MAMLD1: variants seen among roughly 807,000 people sequenced by gnomAD.
The protein encoded by MAMLD1 is mastermind like domain containing 1, also known as mastermind-like domain-containing protein 1.
MAMLD1 carries 14 observed loss-of-function variants against 45.0 expected under a neutral mutation model. The observed-to-expected ratio is 0.31, with a 90% CI of 0.21 to 0.49. MAMLD1 has a LOEUF of 0.49. Ranked by LOEUF, MAMLD1 falls within the 20% of genes least tolerant of loss-of-function variation. The probability of loss-of-function intolerance (pLI) is 0.99; values close to 1 mark genes in which losing one functional copy is unlikely to be tolerated. For missense variants in MAMLD1, 543 were observed against 603.6 expected (o/e 0.90, Z 1.05); for synonymous variants, 254 against 247.8 (o/e 1.02, Z -0.24).
At chrX:150,411,448 A>T (rs2034123124) in intron 1 of MAMLD1, among the ~76,000 whole-genome samples, 1 of 111,927 alleles carries the variant, frequency 8.9e-6, no homozygotes. Flanking sequence ...GGTTTAGCAG[A>T]GGATGATAGA....
At chrX:150,384,435 G>C in intron 1 of MAMLD1, among the ~76,000 whole-genome samples, 1 of 111,580 alleles carries the variant, frequency 9.0e-6, no homozygotes, top group Non-Finnish European at 1.9e-5. Context: ...TTTATGCAGA[G>C]CCTTTGCCCA....
At chrX:150,500,347 T>A (rs191727273) in intron 5 of MAMLD1, among the ~76,000 whole-genome samples, 2 of 111,188 alleles carry the variant, frequency 1.8e-5, no homozygotes, top group Non-Finnish European at 3.8e-5. Flanking sequence ...TTGGTATGAC[T>A]GGGGGTACGT....
chrX:150,408,537 T>C (rs1308282339), intron 1 of MAMLD1, among the ~76,000 whole-genome samples: 1 of 112,291 alleles, frequency 8.9e-6, no homozygotes, highest in Non-Finnish European at 1.9e-5. Context: ...TTCTATATAT[T>C]AGTAACTTGC....
chrX:150,504,727 C>T (rs2037672848), intron 6 of MAMLD1: 1 of 750,150 alleles, frequency 1.3e-6, no homozygotes, highest in Non-Finnish European at 1.6e-6. Flanking sequence ...CTCACCTATT[C>T]TCTCTCTTCT....
chrX:150,368,699 C>A (rs782381595), intron 1 of MAMLD1, among the ~76,000 whole-genome samples: 8 of 111,723 alleles, frequency 7.2e-5, no homozygotes, highest in Admixed American at 5.7e-4. Flanking sequence ...TTTTAGGTCT[C>A]ACATTTAAGT....
intron 5 of MAMLD1, among the ~76,000 whole-genome samples, chrX:150,494,342 C>A (rs1482162240): frequency 9.1e-6 from 1 of 110,348 alleles, no homozygotes; most frequent in African/African-American, 3.3e-5. Context: ...TGCAGTGAGC[C>A]GAGATCATAC....
chrX:150,435,173 G>A (rs1383274834), intron 1 of MAMLD1, among the ~76,000 whole-genome samples: 5 of 111,491 alleles, frequency 4.5e-5, no homozygotes, highest in African/African-American at 1.6e-4. Context: ...TGCTCTTCTT[G>A]TCTTTTCTTA....
intron 2 of MAMLD1, among the ~76,000 whole-genome samples, chrX:150,447,276 T>C (rs1602841212): frequency 8.9e-6 from 1 of 112,578 alleles, no homozygotes; most frequent in East Asian, 2.8e-4. Flanking sequence ...CTGCCTCCTC[T>C]ATGCCACACC....
At chrX:150,454,995 CTCTA>C (rs782802772) in intron 2 of MAMLD1, among the ~76,000 whole-genome samples, 30 of 111,937 alleles carry the variant, frequency 2.7e-4, no homozygotes, top group Non-Finnish European at 5.6e-4. Flanking sequence ...CCACTTCTCT[CTCTA>C]TCTCTCTCTC....
intron 1 of MAMLD1, among the ~76,000 whole-genome samples, chrX:150,402,168 C>A (rs1299035307): frequency 5.5e-4 from 61 of 110,601 alleles, no homozygotes; most frequent in African/African-American, 2.0e-3. Context: ...TCACAACCTA[C>A]TCATCTGACA....
intron 5 of MAMLD1, among the ~76,000 whole-genome samples, chrX:150,488,084 A>C (rs782769796): frequency 8.9e-6 from 1 of 112,850 alleles, no homozygotes; most frequent in Non-Finnish European, 1.9e-5. Flanking sequence ...ACACAGCTGG[A>C]GAGTCCCAGT....
intron 6 of MAMLD1, chrX:150,509,398 C>A (rs1235527653): frequency 9.9e-5 from 12 of 120,815 alleles, no homozygotes; most frequent in African/African-American, 3.9e-4. Context: ...GCCACAGCAT[C>A]CTTGGCTTGC....
intron 1 of MAMLD1, among the ~76,000 whole-genome samples, chrX:150,366,058 G>C (rs1243129783): frequency 8.9e-5 from 10 of 111,874 alleles, no homozygotes; most frequent in South Asian, 3.7e-4. Context: ...GAGTTTGTTC[G>C]GGAAGGGAAT....
intron 3 of MAMLD1, among the ~76,000 whole-genome samples, chrX:150,464,602 G>A (rs1212361629): frequency 8.9e-6 from 1 of 112,000 alleles, no homozygotes; most frequent in African/African-American, 3.2e-5. Context: ...TATTCATTCT[G>A]TCTTTCTCTC....
At chrX:150,428,765 C>T (rs1429032480) in intron 1 of MAMLD1, among the ~76,000 whole-genome samples, 2 of 111,379 alleles carry the variant, frequency 1.8e-5, no homozygotes, top group African/African-American at 6.5e-5. Flanking sequence ...CTCCAGTGTC[C>T]CCTCCATTGG....
At chrX:150,364,157 C>T (rs2031196334) in intron 1 of MAMLD1, among the ~76,000 whole-genome samples, 1 of 112,969 alleles carries the variant, frequency 8.9e-6, no homozygotes, top group South Asian at 3.6e-4. Context: ...GCAGCCCCGG[C>T]GCCCCTGCGT....
chrX:150,506,397 C>T (rs935251083), intron 6 of MAMLD1, among the ~76,000 whole-genome samples: 3 of 107,872 alleles, frequency 2.8e-5, no homozygotes, highest in Non-Finnish European at 5.8e-5. Flanking sequence ...CTCAGTCTCC[C>T]CTTCCCTCCC....
At chrX:150,402,486 C>A (rs113006976) in intron 1 of MAMLD1, among the ~76,000 whole-genome samples, 17 of 111,264 alleles carry the variant, frequency 1.5e-4, no homozygotes, top group African/African-American at 3.9e-4. Context: ...ACTGTAAACT[C>A]GTTCAACCAT....
chrX:150,387,910 T>C (rs1270056173), intron 1 of MAMLD1, among the ~76,000 whole-genome samples: 2 of 112,145 alleles, frequency 1.8e-5, no homozygotes, highest in Non-Finnish European at 3.8e-5. Flanking sequence ...TTATTCTTTT[T>C]ATATATTCCT....
Sources: gnomAD v4.1 joint callset for allele counts (sites outside exome capture counted in the v4.1 genomes callset) on GRCh38, gnomAD v4.1.1 for gene constraint, MANE v1.5 for transcripts, NCBI Gene and HGNC (gene_info 2026-07-23, HGNC 2026-07-21) for gene names.